PLCG2: variants seen among roughly 807,000 people sequenced by gnomAD.
PLCG2 encodes phospholipase C gamma 2, also known as 1-phosphatidylinositol 4,5-bisphosphate phosphodiesterase gamma-2.
Under a neutral mutation model 175.6 loss-of-function variants are expected in PLCG2, and 69 were observed. That is an observed-to-expected ratio of 0.39 (90% CI 0.32 to 0.48). The LOEUF is 0.48. PLCG2 is among the 20% of genes least tolerant of loss of function. PLCG2 has a pLI of 0.91. For synonymous variants in PLCG2, 827 were observed against 624.0 expected, an observed-to-expected ratio of 1.33 and a Z score of -4.85; for missense variants, 1,798 against 1,650.9, an observed-to-expected ratio of 1.09 and a Z score of -1.54.
At chr16:81,948,419 C>T (rs72824945) in intron 31 of PLCG2, among the ~76,000 whole-genome samples, 1,817 of 152,280 alleles carry the variant, frequency 0.012, 17 homozygotes, top group Middle Eastern at 0.034. Flanking sequence ...GGCTGCCCCA[C>T]GACCTGTTTA....
chr16:81,861,735 G>A lies in PLCG2; in HGVS notation c.479+2572G>A, dbSNP rs537239761. ...GAGATTGGCACAGGGCTGAGAGAGG[G>A]AGCCACCCTCAGTGCCTCTCTCCAC... On this transcript the variant is annotated intron_variant, in intron 5 of 32. Coordinates refer to ENST00000564138, the MANE Select transcript of PLCG2 (RefSeq NM_002661.5). Among the ~76,000 whole-genome samples the A allele has an allele frequency of 1.1e-4, 16 of 152,286 alleles. No homozygotes were observed. In the South Asian group the frequency reaches 3.3e-3, roughly 32 times the overall value.
At chr16:81,887,523 C>G (rs889398898) in intron 9 of PLCG2, among the ~76,000 whole-genome samples, 3 of 152,208 alleles carry the variant, frequency 2.0e-5, no homozygotes, top group African/African-American at 7.2e-5. Flanking sequence ...ACCTTCCTAG[C>G]TGTTTTGGGC....
At chr16:81,868,912 C>G (rs1402230497) in intron 5 of PLCG2, among the ~76,000 whole-genome samples, 1 of 152,222 alleles carries the variant, frequency 6.6e-6, no homozygotes, top group Non-Finnish European at 1.5e-5. Flanking sequence ...CTATAAATCT[C>G]TTATGTGACC....
intron 14 of PLCG2, among the ~76,000 whole-genome samples, chr16:81,901,654 T>C (rs913620050): frequency 3.9e-5 from 6 of 152,370 alleles, no homozygotes; most frequent in African/African-American, 7.2e-5. Flanking sequence ...ATTGTGAACA[T>C]TGGCAGCAAG....
At chr16:81,923,231 TCCTAACCCCTAA>T in intron 21 of PLCG2, among the ~76,000 whole-genome samples, 1 of 151,494 alleles carries the variant, frequency 6.6e-6, no homozygotes, top group Non-Finnish European at 1.5e-5. Flanking sequence ...AAACCCTAAC[TCCTAACCCCTAA>T]CCCTTAACCC....
chr16:81,876,809 C>G (rs1010754264), intron 7 of PLCG2, among the ~76,000 whole-genome samples: 3 of 152,184 alleles, frequency 2.0e-5, no homozygotes, highest in African/African-American at 7.2e-5. Context: ...ACATAACCCT[C>G]CATGGTAATG....
intron 2 of PLCG2, among the ~76,000 whole-genome samples, chr16:81,823,231 G>A (rs147152315): frequency 0.011 from 1,750 of 152,308 alleles, 17 homozygotes; most frequent in Non-Finnish European, 0.019. Flanking sequence ...TGGCTTCCCC[G>A]GGGCTTTACC....
At chr16:81,956,620 G>A in intron 31 of PLCG2, 75 bp from the exon 32 acceptor site, 4 of 1,365,710 alleles carry the variant, frequency 2.9e-6, no homozygotes, top group Non-Finnish European at 4.1e-6. Flanking sequence ...GGGCATGCTT[G>A]TGAGATGCCA....
intron 3 of PLCG2, among the ~76,000 whole-genome samples, chr16:81,856,761 A>G (rs967934835): frequency 6.6e-6 from 1 of 152,126 alleles, no homozygotes; most frequent in Non-Finnish European, 1.5e-5. Flanking sequence ...ATTATCCTCT[A>G]TGGAAAAGGA....
At chr16:81,811,883 C>T (rs1225961817) in intron 2 of PLCG2, among the ~76,000 whole-genome samples, 3 of 151,818 alleles carry the variant, frequency 2.0e-5, no homozygotes, top group African/African-American at 2.4e-5. Flanking sequence ...CGGTTTATAC[C>T]CAGTAATAGG....
intron 5 of PLCG2, among the ~76,000 whole-genome samples, chr16:81,860,172 A>ATTATTATTATTT (rs763047744): frequency 5.8e-5 from 7 of 120,608 alleles, no homozygotes; most frequent in East Asian, 2.3e-4. Context: ...TATTATTATT[A>ATTATTATTATTT]TTTTTTTTTT....
intron 11 of PLCG2, 91 bp downstream of exon 11, chr16:81,891,681 G>T: frequency 1.3e-6 from 1 of 762,736 alleles, no homozygotes; most frequent in East Asian, 2.5e-5. Context: ...GGTGAGCCCT[G>T]TTGTGAAGCA....
At chr16:81,876,881 T>C (rs1454055851) in intron 7 of PLCG2, among the ~76,000 whole-genome samples, 1 of 152,240 alleles carries the variant, frequency 6.6e-6, no homozygotes, top group Non-Finnish European at 1.5e-5. Context: ...ATTCTGTGAT[T>C]GCTGGAATCT....
chr16:81,800,267 T>G (rs965303716), intron 2 of PLCG2, among the ~76,000 whole-genome samples: 24 of 152,224 alleles, frequency 1.6e-4, no homozygotes, highest in African/African-American at 5.8e-4. Flanking sequence ...GATACATAGG[T>G]AAGCGTTTGC....
At chr16:81,876,020 T>C (rs190594704) in intron 7 of PLCG2, among the ~76,000 whole-genome samples, 7,366 of 104,200 alleles carry the variant, frequency 0.071, 184 homozygotes, top group Middle Eastern at 0.1. Context: ...TTCTTTCTTT[T>C]TTTTTTTTTT....
chr16:81,838,351 T>A (rs560648069), intron 2 of PLCG2, among the ~76,000 whole-genome samples: 2 of 152,318 alleles, frequency 1.3e-5, no homozygotes, highest in African/African-American at 4.8e-5. Context: ...CCTCCCAAAG[T>A]GCTGGGATTA....
chr16:81,804,649 A>G (rs975679613), intron 2 of PLCG2, among the ~76,000 whole-genome samples: 1 of 152,216 alleles, frequency 6.6e-6, no homozygotes, highest in Admixed American at 6.5e-5. Context: ...AGCATAGCAC[A>G]GACTTTTCAT....
intron 9 of PLCG2, 39 bp downstream of exon 9, chr16:81,883,380 CG>C (rs1908188185): frequency 6.5e-7 from 1 of 1,539,638 alleles, no homozygotes; most frequent in African/African-American, 1.4e-5. Context: ...AGGGAGCTGG[CG>C]GGATGCTGCT....
intron 2 of PLCG2, among the ~76,000 whole-genome samples, chr16:81,799,794 C>T (rs750043682): frequency 1.2e-4 from 18 of 151,936 alleles, no homozygotes; most frequent in Admixed American, 7.9e-4. Context: ...GGGGTTTCAC[C>T]GTGTTAGCCA....
Sources: allele counts gnomAD v4.1 joint callset (sites outside exome capture counted in the v4.1 genomes callset), GRCh38; gene constraint gnomAD v4.1.1; transcripts MANE v1.5; gene names NCBI Gene and HGNC (gene_info 2026-07-23, HGNC 2026-07-21).